RERE: variants seen among roughly 807,000 people sequenced by gnomAD.
RERE encodes arginine-glutamic acid dipeptide repeats.
Under a neutral mutation model 146.1 loss-of-function variants are expected in RERE, and 40 were observed. That is an observed-to-expected ratio of 0.27 (90% CI 0.21 to 0.36). The LOEUF (loss-of-function observed/expected upper bound fraction) is 0.36. Ranked by LOEUF, RERE falls within the 10% of genes least tolerant of loss-of-function variation. The pLI, the probability that RERE is intolerant of heterozygous loss-of-function variation, is 1.00. For missense variants in RERE, 1,933 were observed against 2,138.7 expected, an observed-to-expected ratio of 0.90 and a Z score of 1.90; for synonymous variants, 1,003 against 866.0, an observed-to-expected ratio of 1.16 and a Z score of -2.78.
intron 11 of RERE, among the ~76,000 whole-genome samples, chr1:8,445,417 A>C (rs959174729): frequency 5.3e-5 from 8 of 152,216 alleles, no homozygotes; most frequent in Non-Finnish European, 1.2e-4. Flanking sequence ...TGTGCCAATT[A>C]AAGTGCTTGG....
chr1:8,786,538 C>A (rs900274917), intron 1 of RERE: 1 of 781,048 alleles, frequency 1.3e-6, no homozygotes, highest in East Asian at 2.4e-5. Context: ...CTCTACAATC[C>A]TCAGCATGTT....
chr1:8,495,262 T>A, intron 9 of RERE, 100 bp from the exon 10 acceptor site: 1 of 849,636 alleles, frequency 1.2e-6, no homozygotes, highest in Non-Finnish European at 2.0e-6. Context: ...CAGAACAAAT[T>A]CCATTACTAC....
intron 9 of RERE, 150 bp from the exon 10 acceptor site, chr1:8,495,312 A>AT (rs111493554): frequency 0.13 from 48,245 of 376,122 alleles, 1 homozygote; most frequent in South Asian, 0.2. Context: ...CTCTGCTCCT[A>AT]TTTTTTTTTT....
At chr1:8,551,143 TC>T (rs1645930315) in intron 6 of RERE, among the ~76,000 whole-genome samples, 1 of 151,734 alleles carries the variant, frequency 6.6e-6, no homozygotes, top group South Asian at 2.1e-4. Flanking sequence ...CCCAAGTGAC[TC>T]CTCCAAATAG....
chr1:8,600,213 G>A (rs995582724), intron 4 of RERE, among the ~76,000 whole-genome samples: 1 of 152,084 alleles, frequency 6.6e-6, no homozygotes, highest in Non-Finnish European at 1.5e-5. Flanking sequence ...CAGCCACATG[G>A]AACTGTGAGA....
At chr1:8,632,989 A>C (rs1647051912) in intron 2 of RERE, among the ~76,000 whole-genome samples, 1 of 152,230 alleles carries the variant, frequency 6.6e-6, no homozygotes. Context: ...ATTTCAAATC[A>C]GTTACAATGT....
At chr1:8,523,463 AG>A (rs1225443618) in intron 7 of RERE, among the ~76,000 whole-genome samples, 1 of 152,246 alleles carries the variant, frequency 6.6e-6, no homozygotes, top group Non-Finnish European at 1.5e-5. Flanking sequence ...CAGAACCATA[AG>A]CCAAAATGAA....
chr1:8,684,346 A>G (rs1639038726), intron 1 of RERE, among the ~76,000 whole-genome samples: 1 of 152,190 alleles, frequency 6.6e-6, no homozygotes, highest in South Asian at 2.1e-4. Context: ...TTTTGTTAGA[A>G]AAGCTAGTAT....
chr1:8,672,315 A>G (rs568314021), intron 1 of RERE, among the ~76,000 whole-genome samples: 1 of 152,190 alleles, frequency 6.6e-6, no homozygotes, highest in African/African-American at 2.4e-5. Flanking sequence ...CTGGGACTAC[A>G]GGTACGTATC....
chr1:8,494,628 T>G (rs1386858271), intron 10 of RERE, among the ~76,000 whole-genome samples: 1 of 151,898 alleles, frequency 6.6e-6, no homozygotes, highest in Non-Finnish European at 1.5e-5. Flanking sequence ...GAGGCTGAGG[T>G]AGGAGAACGG....
chr1:8,437,927 A>C (rs1213090675), intron 11 of RERE, among the ~76,000 whole-genome samples: 4 of 135,832 alleles, frequency 2.9e-5, no homozygotes, highest in African/African-American at 1.1e-4. Context: ...CGTTTGTGAT[A>C]TTTGAGATGC....
chr1:8,786,085 C>T, intron 1 of RERE: 1 of 424,580 alleles, frequency 2.4e-6, no homozygotes, highest in Non-Finnish European at 4.4e-6. Context: ...CCTCATCAGT[C>T]TGCCTGCTTC....
chr1:8,557,227 TCTGGAACTAGAGAGGGA>T (rs1646018584), intron 5 of RERE, among the ~76,000 whole-genome samples, 174 bp downstream of exon 5: 1 of 152,140 alleles, frequency 6.6e-6, no homozygotes, highest in African/African-American at 2.4e-5. Context: ...AGTTTCCTCA[TCTGGAACTAGAGAGGGA>T]CAGACCCACC....
intron 1 of RERE, among the ~76,000 whole-genome samples, chr1:8,757,012 C>T (rs1355034764): frequency 6.6e-6 from 1 of 151,008 alleles, no homozygotes; most frequent in East Asian, 1.9e-4. Flanking sequence ...ATCACTTGAA[C>T]CCAGGAGGTG....
At chr1:8,500,149 C>A (rs1645110471) in intron 8 of RERE, among the ~76,000 whole-genome samples, 1 of 152,084 alleles carries the variant, frequency 6.6e-6, no homozygotes, top group African/African-American at 2.4e-5. Context: ...ATAATAACAA[C>A]AACAATAACA....
intron 1 of RERE, among the ~76,000 whole-genome samples, chr1:8,762,816 T>G (rs1207668519): frequency 6.6e-6 from 1 of 152,158 alleles, no homozygotes; most frequent in Non-Finnish European, 1.5e-5. Flanking sequence ...TTTCTTCCCC[T>G]TATGGCAAGG....
chr1:8,671,128 A>T (rs1223036061), intron 1 of RERE, among the ~76,000 whole-genome samples: 1 of 152,224 alleles, frequency 6.6e-6, no homozygotes, highest in African/African-American at 2.4e-5. Context: ...CTAGACCTAA[A>T]TCTAGGAGTC....
intron 8 of RERE, among the ~76,000 whole-genome samples, chr1:8,503,720 T>C (rs1263358772): frequency 6.6e-6 from 1 of 152,150 alleles, no homozygotes; most frequent in Admixed American, 6.5e-5. Context: ...CTACACCAAA[T>C]GGAAAGAAAT....
intron 1 of RERE, among the ~76,000 whole-genome samples, chr1:8,718,028 G>C (rs1639794752): frequency 6.6e-6 from 1 of 152,210 alleles, no homozygotes; most frequent in Admixed American, 6.5e-5. Flanking sequence ...AGTTTCAATA[G>C]TAAACACAGT....
Sources: gnomAD v4.1 joint callset for allele counts (sites outside exome capture counted in the v4.1 genomes callset) on GRCh38, gnomAD v4.1.1 for gene constraint, MANE v1.5 for transcripts, NCBI Gene and HGNC (gene_info 2026-07-23, HGNC 2026-07-21) for gene names.